The following PTPRN2 variants were observed in gnomAD, a reference collection of about 807,000 sequenced individuals.
PTPRN2 encodes the protein receptor-type tyrosine-protein phosphatase N2.
Under a neutral mutation model 118.8 loss-of-function variants are expected in PTPRN2, and 74 were observed. The observed-to-expected ratio is 0.62, with a 90% confidence interval of 0.52 to 0.76. The LOEUF is 0.76. Among genes scored for constraint, PTPRN2 ranks in the 30% least tolerant of loss-of-function variants. The pLI, the probability that PTPRN2 is intolerant of heterozygous loss-of-function variation, is 0.00. For synonymous variants in PTPRN2, 641 were observed against 608.0 expected, an observed-to-expected ratio of 1.05 and a Z score of -0.80; for missense variants, 1,481 against 1,394.4, an observed-to-expected ratio of 1.06 and a Z score of -0.99.
intron 12 of PTPRN2, among the ~76,000 whole-genome samples, chr7:157,782,431 A>G (rs945467877): frequency 1.3e-5 from 2 of 152,188 alleles, no homozygotes; most frequent in Non-Finnish European, 2.9e-5. Context: ...ATCAGCTCTA[A>G]GGGTAGGAGC....
intron 1 of PTPRN2, among the ~76,000 whole-genome samples, chr7:158,521,469 T>C (rs1287356848): frequency 6.6e-6 from 1 of 152,254 alleles, no homozygotes; most frequent in East Asian, 1.9e-4. Context: ...GCTGAAGCAG[T>C]AACTCCAAAA....
At chr7:157,966,945 TA>T (rs34645209) in intron 11 of PTPRN2, among the ~76,000 whole-genome samples, 1 of 152,348 alleles carries the variant, frequency 6.6e-6, no homozygotes, top group East Asian at 1.9e-4. Flanking sequence ...GATTGCATTC[TA>T]AAAAGTTCTG....
intron 2 of PTPRN2, among the ~76,000 whole-genome samples, chr7:158,481,462 A>G (rs1820633024): frequency 6.6e-6 from 1 of 152,196 alleles, no homozygotes; most frequent in Non-Finnish European, 1.5e-5. Flanking sequence ...TTCCATTTCA[A>G]GACATATATA....
intron 11 of PTPRN2, among the ~76,000 whole-genome samples, chr7:158,051,876 C>G (rs1019020544): frequency 1.3e-5 from 2 of 152,054 alleles, no homozygotes; most frequent in Non-Finnish European, 2.9e-5. Flanking sequence ...TTGGCCAGCT[C>G]GAAACACAAA....
At chr7:157,902,591 G>A (rs982781813) in intron 11 of PTPRN2, among the ~76,000 whole-genome samples, 5 of 151,968 alleles carry the variant, frequency 3.3e-5, no homozygotes, top group African/African-American at 7.2e-5. Context: ...CAACCTCACC[G>A]TGGCCTCAAG....
At position 157,907,630 on chromosome 7, in the gene PTPRN2, G is replaced by A. The variant is rs534657572; in HGVS notation, c.1724-8893C>T. On this transcript the variant is annotated intron_variant, in intron 11 of 22. Coordinates refer to ENST00000389418, the MANE Select transcript of PTPRN2 (RefSeq NM_002847.5). ...CCTGCATGTGGGGTGTCCTGGGGGT[G>A]GCAGTATCTCCCTGTCCCCTGCGTG... 3.4e-5 allele frequency among the ~76,000 whole-genome samples: 5 copies of A among 148,376 alleles called. No individual in the cohort carries two copies. In the East Asian group the frequency reaches 1.0e-3, roughly 30 times the overall value.
chr7:158,301,992 C>T (rs1423640788), intron 3 of PTPRN2, among the ~76,000 whole-genome samples: 1 of 152,104 alleles, frequency 6.6e-6, no homozygotes, highest in Non-Finnish European at 1.5e-5. Flanking sequence ...ATGACCTCCT[C>T]CAATCTAGGA....
At chr7:158,004,404 AAAC>A (rs1805503714) in intron 11 of PTPRN2, among the ~76,000 whole-genome samples, 1 of 152,092 alleles carries the variant, frequency 6.6e-6, no homozygotes, top group Non-Finnish European at 1.5e-5. Context: ...TATATTTAAA[AAAC>A]CAGCAGATTA....
intron 1 of PTPRN2, among the ~76,000 whole-genome samples, chr7:158,587,100 C>T (rs1828988267): frequency 2.6e-5 from 4 of 151,504 alleles, no homozygotes; most frequent in Admixed American, 1.3e-4. Context: ...GCCCCCGACC[C>T]GCTCGCCAAG....
chr7:157,810,901 G>T (rs1382985527), intron 12 of PTPRN2, among the ~76,000 whole-genome samples: 1 of 152,102 alleles, frequency 6.6e-6, no homozygotes, highest in Non-Finnish European at 1.5e-5. Context: ...CACATCGGGG[G>T]CTCTGAAGAC....
At chr7:158,345,605 C>T (rs1163025092) in intron 2 of PTPRN2, among the ~76,000 whole-genome samples, 1 of 152,214 alleles carries the variant, frequency 6.6e-6, no homozygotes, top group Non-Finnish European at 1.5e-5. Flanking sequence ...CCAGAGCTTT[C>T]CAATGCCGTC....
At chr7:157,614,115 A>T (rs774116524) in intron 15 of PTPRN2, 8 of 470,502 alleles carry the variant, frequency 1.7e-5, no homozygotes, top group South Asian at 1.2e-4. Context: ...GGAGGAGGAA[A>T]AAGGAGGACG....
rs534206170 is a variant in PTPRN2 at position 158,356,849 on chromosome 7, C to G, written c.164-39917G>C. Among the ~76,000 whole-genome samples, 4 of 151,556 alleles carry G rather than the reference C, an allele frequency of 2.6e-5. No individual in the cohort carries two copies. In the South Asian group the frequency reaches 8.3e-4, roughly 32 times the overall value. ...TCTCTTAGCTTTTCTATGGGGAAAT[C>G]AGGAGAAATGGACTGACTGGGAGAA... On this transcript the variant is annotated intron_variant, in intron 2 of 22. Transcript: ENST00000389418.
intron 3 of PTPRN2, among the ~76,000 whole-genome samples, chr7:158,309,018 G>A (rs1175351058): frequency 6.6e-6 from 1 of 152,156 alleles, no homozygotes; most frequent in Non-Finnish European, 1.5e-5. Context: ...ATGGTCAGAT[G>A]GCTTCCATTT....
At chr7:158,206,568 G>C (rs73746427) in intron 3 of PTPRN2, among the ~76,000 whole-genome samples, 102 of 152,102 alleles carry the variant, frequency 6.7e-4, no homozygotes, top group African/African-American at 2.2e-3. Flanking sequence ...GCTCGGGGAG[G>C]GGGGGAGAGA....
At chr7:157,991,764 G>A (rs1166549200) in intron 11 of PTPRN2, among the ~76,000 whole-genome samples, 1 of 151,500 alleles carries the variant, frequency 6.6e-6, no homozygotes, top group African/African-American at 2.4e-5. Flanking sequence ...CAAGGCCAAG[G>A]GCACCTAAGC....
chr7:158,215,914 T>A (rs141976793), intron 3 of PTPRN2, among the ~76,000 whole-genome samples: 33 of 152,252 alleles, frequency 2.2e-4, no homozygotes, highest in African/African-American at 6.7e-4. Context: ...AAAAAAGGAA[T>A]TTTGGAGCAT....
At chr7:158,299,215 C>T (rs749147386) in intron 3 of PTPRN2, among the ~76,000 whole-genome samples, 7 of 152,182 alleles carry the variant, frequency 4.6e-5, no homozygotes, top group Non-Finnish European at 7.3e-5. Flanking sequence ...GAATAGCTTG[C>T]AGACCTGGGC....
rs1040421285 is a variant in PTPRN2, at chr7:158,239,563, G to C, written c.278-34290C>G. Reference sequence around the variant, plus strand: ...GCAGGACCAATGGGGACGTGGCTTTGTCTGCATCCCTGCGGCCCCTGCCAC... The same window carrying C: ...GCAGGACCAATGGGGACGTGGCTTTCTCTGCATCCCTGCGGCCCCTGCCAC... On this transcript the variant is annotated intron_variant, in intron 3 of 22. Coordinates refer to ENST00000389418, the MANE Select transcript of PTPRN2 (RefSeq NM_002847.5). 1.3e-4 allele frequency among the ~76,000 whole-genome samples: 20 copies of C among 152,176 alleles called. 1 individual carries two copies. Among genetic ancestry groups the C allele is most frequent in the African/African-American group, 4.8e-4 (20 of 41,446 alleles).
Sources: allele counts gnomAD v4.1 joint callset (sites outside exome capture counted in the v4.1 genomes callset), GRCh38; gene constraint gnomAD v4.1.1; transcripts MANE v1.5; gene names NCBI Gene and HGNC (gene_info 2026-07-23, HGNC 2026-07-21).